The following NELL1 variants were observed in gnomAD, a reference collection of about 807,000 sequenced individuals.
NELL1 encodes neural EGFL like 1.
NELL1 carries 76 observed loss-of-function variants against 107.4 expected under a neutral mutation model. That is an observed-to-expected ratio of 0.71 (90% CI 0.59 to 0.86). The LOEUF (loss-of-function observed/expected upper bound fraction) is 0.86, where lower values mean the gene tolerates loss of function less well. Ranked by LOEUF, NELL1 falls within the 40% of genes least tolerant of loss-of-function variation. The probability of loss-of-function intolerance (pLI) is 0.00; values close to 1 mark genes in which losing one functional copy is unlikely to be tolerated. For missense variants in NELL1, 1,024 were observed against 1,005.5 expected (o/e 1.02, Z -0.25); for synonymous variants, 353 against 341.2 (o/e 1.03, Z -0.38).
At chr11:21,555,605 T>C (rs994742409) in intron 16 of NELL1, among the ~76,000 whole-genome samples, 1 of 151,752 alleles carries the variant, frequency 6.6e-6, no homozygotes, top group Non-Finnish European at 1.5e-5. Flanking sequence ...GGGAACACCA[T>C]AGGAAAGGGT....
In NELL1 at chr11:20,833,611, C is replaced by G. The variant is rs75151835; in HGVS notation, c.336-13972C>G. 3.9e-5 allele frequency among the ~76,000 whole-genome samples: 6 copies of G among 152,124 alleles called. No homozygotes were observed. In the East Asian group the frequency reaches 1.2e-3, roughly 29 times the overall value. ...TTATCCAGTGGGAGACAGATGTTAA[C>G]AAAATAATGAGAAAAATATTTAAGT... is the stretch of plus-strand genomic sequence containing the variant. On this transcript the variant is annotated intron_variant, in intron 3 of 19. Coordinates refer to ENST00000357134, the MANE Select transcript of NELL1 (RefSeq NM_006157.5).
intron 13 of NELL1, among the ~76,000 whole-genome samples, chr11:21,199,124 C>T (rs1342177535): frequency 6.6e-6 from 1 of 152,134 alleles, no homozygotes; most frequent in Non-Finnish European, 1.5e-5. Context: ...ATACAATTAT[C>T]ATGATATATT....
chr11:21,351,242 A>G (rs191871405), intron 14 of NELL1, among the ~76,000 whole-genome samples: 65 of 151,942 alleles, frequency 4.3e-4, no homozygotes, highest in African/African-American at 1.5e-3. Context: ...TATCCAGCCG[A>G]CACCTTGATT....
At chr11:20,947,931 A>G (rs1311420169) in intron 11 of NELL1, among the ~76,000 whole-genome samples, 1 of 152,220 alleles carries the variant, frequency 6.6e-6, no homozygotes, top group Non-Finnish European at 1.5e-5. Flanking sequence ...GGAAAAATGC[A>G]TCAGATAAAT....
intron 15 of NELL1, among the ~76,000 whole-genome samples, chr11:21,455,276 C>CT (rs1307923185): frequency 1.5e-5 from 2 of 132,404 alleles, no homozygotes; most frequent in African/African-American, 2.8e-5. Flanking sequence ...CATAATGTGA[C>CT]TTTTTTTTAT....
At chr11:21,327,733 A>T (rs1850178013) in intron 14 of NELL1, among the ~76,000 whole-genome samples, 1 of 152,154 alleles carries the variant, frequency 6.6e-6, no homozygotes, top group Admixed American at 6.5e-5. Context: ...GACTTCTTGA[A>T]TGGCTTTGAC....
At chr11:20,980,140 T>C (rs1170669970) in intron 12 of NELL1, among the ~76,000 whole-genome samples, 1 of 152,206 alleles carries the variant, frequency 6.6e-6, no homozygotes, top group Non-Finnish European at 1.5e-5. Flanking sequence ...TTTTATTGTC[T>C]GAATTTATCG....
intron 14 of NELL1, among the ~76,000 whole-genome samples, chr11:21,316,706 GA>G (rs1460023913): frequency 6.6e-6 from 1 of 152,158 alleles, no homozygotes; most frequent in Admixed American, 6.5e-5. Context: ...TGTAAGTGGG[GA>G]AACTTTTAAG....
intron 15 of NELL1, among the ~76,000 whole-genome samples, chr11:21,400,136 AC>A (rs1852066474): frequency 6.6e-6 from 1 of 151,776 alleles, no homozygotes; most frequent in Non-Finnish European, 1.5e-5. Flanking sequence ...CCGTCACAAA[AC>A]CATAGTTTGT....
At chr11:20,927,590 G>A in intron 8 of NELL1, 148 bp downstream of exon 8, 1 of 679,250 alleles carries the variant, frequency 1.5e-6, no homozygotes, top group Non-Finnish European at 2.4e-6. Flanking sequence ...ACGAGCAATT[G>A]TGAAGCAATG....
chr11:21,059,265 GTT>G (rs59203638), intron 12 of NELL1, among the ~76,000 whole-genome samples: 61 of 143,008 alleles, frequency 4.3e-4, no homozygotes, highest in Middle Eastern at 3.6e-3. Context: ...GTTTTGTTTT[GTT>G]TTTTTTTTTT....
intron 15 of NELL1, among the ~76,000 whole-genome samples, chr11:21,510,450 C>T (rs1195636942): frequency 6.6e-6 from 1 of 152,208 alleles, no homozygotes; most frequent in Non-Finnish European, 1.5e-5. Context: ...AGTCCTTTTT[C>T]CTGGTATCAG....
At chr11:20,806,252 TTGTGTGTG>T (rs3045512) in intron 3 of NELL1, among the ~76,000 whole-genome samples, 3,062 of 148,674 alleles carry the variant, frequency 0.021, 38 homozygotes, top group Admixed American at 0.028. Context: ...TGTGAAGCAT[TTGTGTGTG>T]TGTGTGTGTG....
chr11:21,446,899 G>T (rs530157218), intron 15 of NELL1, among the ~76,000 whole-genome samples: 2 of 152,216 alleles, frequency 1.3e-5, no homozygotes, highest in East Asian at 3.9e-4. Context: ...CAGAGATGCC[G>T]TCTGGGAGCC....
intron 2 of NELL1, among the ~76,000 whole-genome samples, chr11:20,678,442 C>T (rs1405468265): frequency 1.3e-5 from 2 of 152,102 alleles, no homozygotes; most frequent in East Asian, 1.9e-4. Flanking sequence ...GTGGATAGGC[C>T]ATAAGAACAG....
rs1022694919 is a variant in NELL1, at chr11:20,704,454, A to G, written c.184+26394A>G. Among the ~76,000 whole-genome samples, 10 of 152,092 alleles carry G rather than the reference A, an allele frequency of 6.6e-5. No homozygotes were observed. In the East Asian group the frequency reaches 1.9e-3, roughly 29 times the overall value. ...GCACACTGATGGGTCTTGACTCTTT[A>G]TCCAATTTGCCAGTCTGTGTCTTTT... is the stretch of plus-strand genomic sequence containing the variant. On this transcript the variant is annotated intron_variant, in intron 2 of 19. Coordinates refer to ENST00000357134, the MANE Select transcript of NELL1 (RefSeq NM_006157.5).
At chr11:21,453,618 A>C (rs1329782809) in intron 15 of NELL1, among the ~76,000 whole-genome samples, 3 of 151,544 alleles carry the variant, frequency 2.0e-5, no homozygotes, top group Admixed American at 2.0e-4. Flanking sequence ...TGGTTAGGCT[A>C]TTTGCATTTA....
intron 2 of NELL1, among the ~76,000 whole-genome samples, chr11:20,729,741 G>T (rs1855587926): frequency 6.6e-6 from 1 of 152,106 alleles, no homozygotes; most frequent in South Asian, 2.1e-4. Context: ...TGCTGGGCAG[G>T]TATTTCCACA....
chr11:21,345,992 A>AGG (rs1158924469), intron 14 of NELL1, among the ~76,000 whole-genome samples: 2 of 152,216 alleles, frequency 1.3e-5, no homozygotes, highest in Non-Finnish European at 2.9e-5. Flanking sequence ...CAAATACATG[A>AGG]TAGCCTGCTT....
Sources: allele counts gnomAD v4.1 joint callset (sites outside exome capture counted in the v4.1 genomes callset), GRCh38; gene constraint gnomAD v4.1.1; transcripts MANE v1.5; gene names NCBI Gene and HGNC (gene_info 2026-07-23, HGNC 2026-07-21).